The following ZNF385B variants were observed in gnomAD, a reference collection of about 807,000 sequenced individuals.
ZNF385B encodes zinc finger protein 533.
A neutral mutation model predicts 39.2 loss-of-function variants in ZNF385B; 23 were observed. The observed-to-expected ratio is 0.59, with a 90% CI of 0.42 to 0.83. The LOEUF (loss-of-function observed/expected upper bound fraction) is 0.83, where lower values mean the gene tolerates loss of function less well. Ranked by LOEUF, ZNF385B falls within the 40% of genes least tolerant of loss-of-function variation. The pLI, the probability that ZNF385B is intolerant of heterozygous loss-of-function variation, is 0.00. For missense variants in ZNF385B, 552 were observed against 598.9 expected (o/e 0.92, Z 0.82); for synonymous variants, 205 against 222.6 (o/e 0.92, Z 0.70).
intron 1 of ZNF385B, among the ~76,000 whole-genome samples, chr2:179,839,755 A>G (rs780977561): frequency 6.6e-6 from 1 of 152,146 alleles, no homozygotes; most frequent in Non-Finnish European, 1.5e-5. Context: ...GGGGTGTTTT[A>G]CCACCCCTAC....
chr2:179,464,430 A>G (rs968987522), intron 6 of ZNF385B, among the ~76,000 whole-genome samples: 13 of 152,154 alleles, frequency 8.5e-5, no homozygotes, highest in South Asian at 2.1e-4. Flanking sequence ...GCCCATGCCT[A>G]TGTCCTGAAT....
At chr2:179,752,680 G>A (rs1702752970) in intron 3 of ZNF385B, among the ~76,000 whole-genome samples, 1 of 152,102 alleles carries the variant, frequency 6.6e-6, no homozygotes, top group Non-Finnish European at 1.5e-5. Context: ...TTTCTCTGAT[G>A]TCCAGTGATG....
chr2:179,739,960 CTAAT>C (rs1701991713), intron 3 of ZNF385B, among the ~76,000 whole-genome samples: 1 of 152,046 alleles, frequency 6.6e-6, no homozygotes, highest in Non-Finnish European at 1.5e-5. Context: ...TAAGAGTTAA[CTAAT>C]TTATTATAAC....
intron 1 of ZNF385B, among the ~76,000 whole-genome samples, chr2:179,845,165 A>AT (rs1406174027): frequency 6.6e-6 from 1 of 152,124 alleles, no homozygotes; most frequent in Non-Finnish European, 1.5e-5. Flanking sequence ...ATCATAGAAT[A>AT]TTTTCTCCAT....
At chr2:179,745,804 C>A in intron 3 of ZNF385B, 1 of 1,490,260 alleles carries the variant, frequency 6.7e-7, no homozygotes, top group Admixed American at 2.4e-5. Flanking sequence ...AGTATGTGAC[C>A]AGGATAATGC....
At chr2:179,747,330 C>T (rs983352204) in intron 3 of ZNF385B, among the ~76,000 whole-genome samples, 36 of 152,118 alleles carry the variant, frequency 2.4e-4, no homozygotes, top group African/African-American at 7.7e-4. Context: ...ATTAGACACA[C>T]GATTGGATAT....
intron 4 of ZNF385B, among the ~76,000 whole-genome samples, chr2:179,519,760 C>A (rs919024189): frequency 1.5e-4 from 23 of 152,084 alleles, no homozygotes; most frequent in Admixed American, 4.6e-4. Context: ...TCTATTGATA[C>A]CATTGTCTAG....
At chr2:179,711,976 C>T (rs75220236) in intron 3 of ZNF385B, among the ~76,000 whole-genome samples, 2,202 of 142,660 alleles carry the variant, frequency 0.015, 20 homozygotes, top group Middle Eastern at 0.05. Flanking sequence ...CCTCGATAAA[C>T]TCTGTGTTTT....
At chr2:179,558,998 G>A (rs993025538) in intron 3 of ZNF385B, among the ~76,000 whole-genome samples, 1 of 152,198 alleles carries the variant, frequency 6.6e-6, no homozygotes, top group Admixed American at 6.5e-5. Context: ...AATGGTGAGG[G>A]ATGATCTGGA....
chr2:179,699,116 A>AT (rs1698982162), intron 3 of ZNF385B, among the ~76,000 whole-genome samples: 3 of 6,986 alleles, frequency 4.3e-4, no homozygotes, highest in Non-Finnish European at 2.9e-3. Context: ...TTTTGTGTTA[A>AT]AATATATATA....
At chr2:179,674,727 T>C (rs949193307) in intron 3 of ZNF385B, among the ~76,000 whole-genome samples, 1 of 152,230 alleles carries the variant, frequency 6.6e-6, no homozygotes, top group Non-Finnish European at 1.5e-5. Flanking sequence ...TTTTAAGGAA[T>C]TTTAAACTTG....
At chr2:179,851,960 A>G (rs939621574) in intron 1 of ZNF385B, among the ~76,000 whole-genome samples, 7 of 152,232 alleles carry the variant, frequency 4.6e-5, no homozygotes, top group Non-Finnish European at 7.3e-5. Context: ...TTTCCAATAC[A>G]ATATTAAAGA....
chr2:179,562,700 T>G (rs1221023449), intron 3 of ZNF385B: 2 of 580,126 alleles, frequency 3.4e-6, no homozygotes, highest in African/African-American at 4.1e-5. Context: ...TCATGTAATT[T>G]TTCTGAGTAT....
At chr2:179,636,006 AC>A (rs1373929946) in intron 3 of ZNF385B, among the ~76,000 whole-genome samples, 1 of 152,110 alleles carries the variant, frequency 6.6e-6, no homozygotes, top group East Asian at 1.9e-4. Context: ...TTAAGCAATA[AC>A]CCCCAAAGAA....
chr2:179,785,156 A>C (rs1231326869), intron 1 of ZNF385B, among the ~76,000 whole-genome samples: 1 of 152,120 alleles, frequency 6.6e-6, no homozygotes, highest in Non-Finnish European at 1.5e-5. Flanking sequence ...AAGCATGAAA[A>C]CATGTAAAAC....
chr2:179,494,202 A>G (rs2055901396), intron 5 of ZNF385B, among the ~76,000 whole-genome samples: 1 of 152,162 alleles, frequency 6.6e-6, no homozygotes, highest in Non-Finnish European at 1.5e-5. Context: ...CTGGGAGAAG[A>G]GTACTTCAGG....
chr2:179,850,729 A>C (rs1028152935), intron 1 of ZNF385B, among the ~76,000 whole-genome samples: 27 of 152,300 alleles, frequency 1.8e-4, no homozygotes, highest in African/African-American at 5.5e-4. Context: ...TGGCTTCAAC[A>C]AGTGTTGAAA....
chr2:179,850,637 G>A (rs1258048729), intron 1 of ZNF385B, among the ~76,000 whole-genome samples: 1 of 152,184 alleles, frequency 6.6e-6, no homozygotes, highest in Non-Finnish European at 1.5e-5. Flanking sequence ...GCTAAAGGGG[G>A]TTAAGAAACA....
At chr2:179,493,291 G>A (rs1362905682) in intron 5 of ZNF385B, among the ~76,000 whole-genome samples, 1 of 151,918 alleles carries the variant, frequency 6.6e-6, no homozygotes, top group Non-Finnish European at 1.5e-5. Flanking sequence ...GATAACAAAA[G>A]TGAATACCAT....
Sources: gnomAD v4.1 joint callset for allele counts (sites outside exome capture counted in the v4.1 genomes callset) on GRCh38, gnomAD v4.1.1 for gene constraint, MANE v1.5 for transcripts, NCBI Gene and HGNC (gene_info 2026-07-23, HGNC 2026-07-21) for gene names.